SCFD2: variants seen among roughly 807,000 people sequenced by gnomAD.
The protein encoded by SCFD2 is sec1 family domain containing 2.
A neutral mutation model predicts 58.9 loss-of-function variants in SCFD2; 54 were observed. That is an observed-to-expected ratio of 0.92 (90% CI 0.74 to 1.15). The LOEUF (loss-of-function observed/expected upper bound fraction) is 1.15. SCFD2 is among the 50% of genes most tolerant of loss of function. The pLI, the probability that SCFD2 is intolerant of heterozygous loss-of-function variation, is 0.00. For synonymous variants in SCFD2, 321 were observed against 335.9 expected (o/e 0.96, Z 0.49); for missense variants, 805 against 836.6 (o/e 0.96, Z 0.47).
intron 5 of SCFD2, among the ~76,000 whole-genome samples, chr4:53,029,957 T>A (rs1286432109): frequency 6.6e-6 from 1 of 152,202 alleles, no homozygotes; most frequent in African/African-American, 2.4e-5. Context: ...ACCAAAATCA[T>A]AATCCCTTTT....
chr4:53,225,578 T>C (rs767242797), intron 4 of SCFD2, among the ~76,000 whole-genome samples: 25 of 152,360 alleles, frequency 1.6e-4, no homozygotes, highest in Non-Finnish European at 3.2e-4. Context: ...ATAAAATTTT[T>C]AGAGCTAATA....
At chr4:53,090,626 A>C (rs1434179366) in intron 5 of SCFD2, among the ~76,000 whole-genome samples, 1 of 152,224 alleles carries the variant, frequency 6.6e-6, no homozygotes, top group Non-Finnish European at 1.5e-5. Flanking sequence ...TGGTATTCTC[A>C]AGTGGGATCT....
At chr4:52,956,930 G>A (rs1720725656) in intron 5 of SCFD2, 1 of 152,418 alleles carries the variant, frequency 6.6e-6, no homozygotes, top group African/African-American at 2.4e-5. Context: ...TGAGACAGCA[G>A]GGCTGGAGTT....
chr4:53,126,818 G>A (rs1229677378), intron 5 of SCFD2, among the ~76,000 whole-genome samples: 1 of 152,020 alleles, frequency 6.6e-6, no homozygotes, highest in Non-Finnish European at 1.5e-5. Flanking sequence ...CTTTCTCCCT[G>A]AGTTCCTCCC....
chr4:53,008,226 TCA>T (rs1722022275), intron 5 of SCFD2, among the ~76,000 whole-genome samples: 1 of 152,172 alleles, frequency 6.6e-6, no homozygotes, highest in Admixed American at 6.5e-5. Context: ...GAGGGTGGCC[TCA>T]TTCTCCTCTT....
chr4:53,078,106 C>T (rs910478181), intron 5 of SCFD2, among the ~76,000 whole-genome samples: 1 of 152,106 alleles, frequency 6.6e-6, no homozygotes, highest in Non-Finnish European at 1.5e-5. Context: ...ATTACAGGAG[C>T]AATTTTTTAG....
chr4:53,309,112 G>A (rs868405885), intron 3 of SCFD2, among the ~76,000 whole-genome samples: 7 of 150,972 alleles, frequency 4.6e-5, no homozygotes, highest in Admixed American at 1.3e-4. Context: ...CAGCCTGGGC[G>A]ACAGAGCAAG....
At chr4:53,167,963 G>A (rs763625355) in intron 4 of SCFD2, among the ~76,000 whole-genome samples, 10 of 152,158 alleles carry the variant, frequency 6.6e-5, no homozygotes, top group Non-Finnish European at 1.0e-4. Flanking sequence ...TGGATATTAT[G>A]ACGGACCCTC....
intron 3 of SCFD2, among the ~76,000 whole-genome samples, chr4:53,312,318 T>A (rs1378970331): frequency 6.6e-6 from 1 of 152,216 alleles, no homozygotes; most frequent in Non-Finnish European, 1.5e-5. Flanking sequence ...AAGTGCATAT[T>A]ACGTGGCATC....
intron 4 of SCFD2, among the ~76,000 whole-genome samples, chr4:53,148,316 T>C (rs1726399183): frequency 6.6e-6 from 1 of 152,160 alleles, no homozygotes; most frequent in Non-Finnish European, 1.5e-5. Flanking sequence ...GAGAATAAAA[T>C]CTCTCACTAG....
chr4:53,165,867 A>G (rs1726991224), intron 4 of SCFD2, among the ~76,000 whole-genome samples: 1 of 152,200 alleles, frequency 6.6e-6, no homozygotes, highest in African/African-American at 2.4e-5. Flanking sequence ...TGACCCCTAC[A>G]AGATATGATT....
chr4:53,310,016 A>AT, intron 3 of SCFD2, among the ~76,000 whole-genome samples: 1 of 152,346 alleles, frequency 6.6e-6, no homozygotes, highest in African/African-American at 2.4e-5. Context: ...TTTATACTCC[A>AT]TCACAATCAG....
At chr4:53,280,235 G>A (rs975447479) in intron 3 of SCFD2, among the ~76,000 whole-genome samples, 3 of 152,106 alleles carry the variant, frequency 2.0e-5, no homozygotes, top group African/African-American at 7.2e-5. Flanking sequence ...TTATCTAGAG[G>A]CCAGGCACGG....
chr4:53,204,242 G>C (rs1246179574), intron 4 of SCFD2, among the ~76,000 whole-genome samples: 1 of 151,858 alleles, frequency 6.6e-6, no homozygotes, highest in Non-Finnish European at 1.5e-5. Flanking sequence ...TCTGCAGAAA[G>C]TTTCTAACAT....
At chr4:52,926,007 C>T (rs1719854542) in intron 5 of SCFD2, among the ~76,000 whole-genome samples, 1 of 152,128 alleles carries the variant, frequency 6.6e-6, no homozygotes, top group African/African-American at 2.4e-5. Flanking sequence ...TACTGAAGCC[C>T]CTTTCCTTCA....
rs796812888 is a variant in SCFD2, at chr4:53,247,863, G to A, written c.1311+25963C>T. On this transcript the variant is annotated intron_variant, in intron 4 of 8. Transcript: ENST00000401642. ...AGCCTGGGCAACAGAGCGAGACTCC[G>A]TCTCAAAAAAAAAAAAAAAAAAAAA... Among the ~76,000 whole-genome samples, 53 of 61,382 alleles carry A rather than the reference G, an allele frequency of 8.6e-4. 1 individual carries two copies. The highest frequency in any genetic ancestry group is 3.0e-3 in the African/African-American group (45 of 14,934). The allele number at this position is 61,382 out of a possible 152,430, so 40.3% of individuals were successfully genotyped here.
intron 4 of SCFD2, among the ~76,000 whole-genome samples, chr4:53,184,041 C>T (rs185500634): frequency 4.6e-5 from 7 of 152,238 alleles, no homozygotes; most frequent in Non-Finnish European, 7.4e-5. Context: ...AGCTAGATAA[C>T]GTAACCTACT....
chr4:53,303,379 A>T (rs1232329715), intron 3 of SCFD2, among the ~76,000 whole-genome samples: 1 of 152,248 alleles, frequency 6.6e-6, no homozygotes, highest in Non-Finnish European at 1.5e-5. Context: ...CATCAGAGAA[A>T]TGCAAATCAA....
At chr4:53,122,309 G>T (rs1725500807) in intron 5 of SCFD2, among the ~76,000 whole-genome samples, 1 of 152,048 alleles carries the variant, frequency 6.6e-6, no homozygotes, top group Admixed American at 6.6e-5. Flanking sequence ...CTCAGGAGGT[G>T]AAGGTTGCAG....
Sources: gnomAD v4.1 joint callset for allele counts (sites outside exome capture counted in the v4.1 genomes callset) on GRCh38, gnomAD v4.1.1 for gene constraint, MANE v1.5 for transcripts, NCBI Gene and HGNC (gene_info 2026-07-23, HGNC 2026-07-21) for gene names.